Variants in HS3ST5 observed in about 807,000 individuals in gnomAD.
The protein encoded by HS3ST5 is heparan sulfate glucosamine 3-O-sulfotransferase 5.
A neutral mutation model predicts 25.4 loss-of-function variants in HS3ST5; 10 were observed. The observed-to-expected ratio is 0.39, with a 90% CI of 0.24 to 0.67. The LOEUF is 0.67. Ranked by LOEUF, HS3ST5 falls within the 30% of genes least tolerant of loss-of-function variation. The pLI is 0.44. For missense variants in HS3ST5, 324 were observed against 420.7 expected, an observed-to-expected ratio of 0.77 and a Z score of 2.01; for synonymous variants, 170 against 162.4, an observed-to-expected ratio of 1.05 and a Z score of -0.36.
rs938244995 is a variant in HS3ST5 at position 114,057,187 on chromosome 6, G to T, written c.*70C>A. On this transcript the variant is annotated 3_prime_UTR_variant, in exon 5 of 5. Coordinates refer to ENST00000312719, the MANE Select transcript of HS3ST5 (RefSeq NM_153612.4). ...TTGGATAGCTCTGCCTAGGAAAAGTGCATATTTTAATCTACAGGAGACATT... is the reference window on the plus strand; with the variant it reads ...TTGGATAGCTCTGCCTAGGAAAAGTTCATATTTTAATCTACAGGAGACATT... 6.3e-6 allele frequency: 7 copies of T among 1,102,678 alleles called. No homozygotes were observed. Among genetic ancestry groups the T allele is most frequent in the Middle Eastern group, 2.1e-4 (1 of 4,760 alleles). 68.3% of individuals were successfully genotyped at this position (1,102,678 alleles called of 1,614,324 possible). A position where few individuals can be genotyped will look rare whatever the true frequency, so the allele number is the denominator to read the frequency against.
intron 1 of HS3ST5, among the ~76,000 whole-genome samples, chr6:114,290,251 G>A (rs892419517): frequency 2.3e-4 from 35 of 152,136 alleles, no homozygotes; most frequent in African/African-American, 8.5e-4. Context: ...GTATGAATCA[G>A]CTTTGAAAAG....
intron 1 of HS3ST5, among the ~76,000 whole-genome samples, chr6:114,335,083 A>G (rs1008007204): frequency 1.3e-4 from 20 of 152,178 alleles, no homozygotes; most frequent in African/African-American, 4.6e-4. Context: ...TAAGAAGCCC[A>G]TTAGTGTGAG....
chr6:114,243,551 A>G (rs1036671547), intron 1 of HS3ST5, among the ~76,000 whole-genome samples: 6 of 152,250 alleles, frequency 3.9e-5, no homozygotes, highest in African/African-American at 1.4e-4. Context: ...TGAATAGCAC[A>G]GCACAGTTCT....
rs1233329320 is a variant in HS3ST5 at position 114,278,893 on chromosome 6, C to T, written c.-338-50115G>A. ...AGAATGCAGCTAACAATCAGTTTAT[C>T]AGTAAGTCACCACTCAGGAAAAGCT... On this transcript the variant is annotated intron_variant, in intron 1 of 4. Coordinates refer to ENST00000312719, the MANE Select transcript of HS3ST5 (RefSeq NM_153612.4). Among the ~76,000 whole-genome samples, 3 of 152,032 alleles carry T rather than the reference C, an allele frequency of 2.0e-5. No homozygotes were observed. In the East Asian group the frequency reaches 5.8e-4, roughly 29 times the overall value.
Position 114,057,354 on chromosome 6 carries a change from T to C in HS3ST5, c.944A>G (p.Glu315Gly). Reference sequence around the variant, plus strand: ...TTTAGTAATGACAGAGGGGTCCACCTCTGGATGAATGCGCCCCTTGCTGCC... The same window carrying C: ...TTTAGTAATGACAGAGGGGTCCACCCCTGGATGAATGCGCCCCTTGCTGCC... ...LAGSKGRIHP[E>G]VDPSVITKLR... Residue 315 changes from glutamate (E) to glycine (G), a missense_variant, in exon 5 of 5, where the codon GAG (glutamate) becomes GGG (glycine). By Grantham distance (98) the Glu-to-Gly change is moderately conservative (BLOSUM62 -2). Transcript: ENST00000312719. 6.2e-7 allele frequency: 1 copy of C among 1,614,116 alleles called. No individual in the cohort carries two copies. Among genetic ancestry groups the C allele is most frequent in the Non-Finnish European group, 8.5e-7 (1 of 1,180,008 alleles).
chr6:114,188,060 C>T (rs1254583932), intron 2 of HS3ST5, among the ~76,000 whole-genome samples: 3 of 152,052 alleles, frequency 2.0e-5, no homozygotes, highest in Non-Finnish European at 2.9e-5. Flanking sequence ...ACTGGAAAGC[C>T]AAAAAAATTC....
At chr6:114,104,102 A>G (rs1775877107) in intron 3 of HS3ST5, among the ~76,000 whole-genome samples, 1 of 152,062 alleles carries the variant, frequency 6.6e-6, no homozygotes, top group African/African-American at 2.4e-5. Context: ...TTTAAAAAAA[A>G]TGTTTAAACT....
chr6:114,173,344 C>T (rs1011223338), intron 2 of HS3ST5, among the ~76,000 whole-genome samples: 1 of 151,888 alleles, frequency 6.6e-6, no homozygotes, highest in Non-Finnish European at 1.5e-5. Context: ...GAAAAAAGTA[C>T]AAAGAAATTA....
intron 2 of HS3ST5, among the ~76,000 whole-genome samples, chr6:114,227,979 T>C (rs1268896648): frequency 1.3e-5 from 2 of 152,070 alleles, no homozygotes; most frequent in Admixed American, 6.5e-5. Context: ...AAAGGGAGCA[T>C]CAATTTAGCA....
intron 3 of HS3ST5, among the ~76,000 whole-genome samples, chr6:114,105,629 A>G (rs1008641228): frequency 1.3e-5 from 2 of 152,202 alleles, no homozygotes; most frequent in African/African-American, 4.8e-5. Context: ...TAAATTTGGT[A>G]AAAAGTGGGG....
chr6:114,231,839 C>T (rs1056502833), intron 1 of HS3ST5, among the ~76,000 whole-genome samples: 2 of 151,344 alleles, frequency 1.3e-5, no homozygotes, highest in Non-Finnish European at 2.9e-5. Flanking sequence ...TACTGGCAGC[C>T]ATCTTGGGAT....
At chr6:114,095,671 C>G (rs1775385046) in intron 3 of HS3ST5, among the ~76,000 whole-genome samples, 1 of 152,148 alleles carries the variant, frequency 6.6e-6, no homozygotes, top group Non-Finnish European at 1.5e-5. Context: ...CAGCTCTCAT[C>G]ATTTCCTGCT....
At chr6:114,148,952 C>T (rs892389878) in intron 3 of HS3ST5, among the ~76,000 whole-genome samples, 4 of 152,232 alleles carry the variant, frequency 2.6e-5, no homozygotes, top group Admixed American at 1.3e-4. Context: ...CAAAAGAAGA[C>T]ATTTATGTGG....
chr6:114,306,301 T>C (rs1426876185), intron 1 of HS3ST5, among the ~76,000 whole-genome samples: 1 of 147,948 alleles, frequency 6.8e-6, no homozygotes, highest in Non-Finnish European at 1.5e-5. Flanking sequence ...ATAAAATATA[T>C]ATTCTTCATT....
At chr6:114,166,217 T>G (rs1730148744) in intron 3 of HS3ST5, among the ~76,000 whole-genome samples, 1 of 152,046 alleles carries the variant, frequency 6.6e-6, no homozygotes, top group Admixed American at 6.6e-5. Context: ...GACTTCGGTG[T>G]TGGGCTGGGA....
intron 3 of HS3ST5, among the ~76,000 whole-genome samples, chr6:114,145,667 GCAAA>G (rs1265430385): frequency 2.0e-5 from 3 of 152,202 alleles, no homozygotes; most frequent in African/African-American, 4.8e-5. Context: ...GGACACCAAA[GCAAA>G]CAAAGACAGC....
intron 3 of HS3ST5, among the ~76,000 whole-genome samples, chr6:114,154,114 A>G (rs1334717300): frequency 6.6e-6 from 1 of 152,164 alleles, no homozygotes; most frequent in East Asian, 1.9e-4. Context: ...ACTGCAGTCT[A>G]TTAACGAAGG....
chr6:114,057,225 G>A lies in HS3ST5; in HGVS notation c.*32C>T. ...TACAGGAGACATTGTGTGTCTCCAG[G>A]CACAACACATAGTGTTGTATGACAT... On this transcript the variant is annotated 3_prime_UTR_variant, in exon 5 of 5. Coordinates refer to ENST00000312719, the MANE Select transcript of HS3ST5 (RefSeq NM_153612.4). 1.4e-6 allele frequency: 2 copies of A among 1,430,806 alleles called. No homozygotes were observed. The highest frequency in any genetic ancestry group is 2.3e-5 in the East Asian group (1 of 43,788). The allele number at this position is 1,430,806 out of a possible 1,614,324, so 88.6% of individuals were successfully genotyped here. A position where few individuals can be genotyped will look rare whatever the true frequency, so the allele number is the denominator to read the frequency against.
intron 1 of HS3ST5, among the ~76,000 whole-genome samples, chr6:114,333,654 A>T (rs1046479911): frequency 6.7e-4 from 102 of 151,474 alleles, no homozygotes; most frequent in African/African-American, 2.1e-3. Flanking sequence ...TTTTTTTAAA[A>T]TTTTTTTTTG....
Sources: gnomAD v4.1 joint callset for allele counts (sites outside exome capture counted in the v4.1 genomes callset) on GRCh38, gnomAD v4.1.1 for gene constraint, MANE v1.5 for transcripts, NCBI Gene and HGNC (gene_info 2026-07-23, HGNC 2026-07-21) for gene names.